Variants in BAIAP3 observed in about 807,000 individuals in gnomAD.
The protein encoded by BAIAP3 is BAI1 associated protein 3.
In BAIAP3, 180 loss-of-function variants were observed where a neutral mutation model predicts 149.7. The ratio of observed to expected loss-of-function variants is 1.20; its 90% CI spans 1.07 to 1.36. The LOEUF (loss-of-function observed/expected upper bound fraction) is 1.36. Ranked by LOEUF, BAIAP3 falls within the 40% of genes most tolerant of loss-of-function variation. The probability of loss-of-function intolerance (pLI) is 0.00; values close to 1 mark genes in which losing one functional copy is unlikely to be tolerated. For missense variants in BAIAP3, 1,767 were observed against 1,563.4 expected, an observed-to-expected ratio of 1.13 and a Z score of -2.20; for synonymous variants, 845 against 670.7, an observed-to-expected ratio of 1.26 and a Z score of -4.02.
rs369126457 is a variant in BAIAP3 at position 1,339,511 on chromosome 16, G to A, written c.316G>A (p.Glu106Lys). The A allele has an allele frequency of 3.7e-6, 6 of 1,610,182 alleles. No homozygotes were observed. The highest frequency in any genetic ancestry group is 5.1e-6 in the Non-Finnish European group (6 of 1,177,918). The change falls in exon 5 of 34, where the codon GAG (glutamate) becomes AAG (lysine). Residue 106 changes from glutamate (E) to lysine (K), a missense_variant. Glu to Lys is a moderately conservative substitution (Grantham distance 56). Coordinates refer to ENST00000426824, the MANE Select transcript of BAIAP3 (RefSeq NM_001199097.2). ...CCACCTGCAGGTGGAGATGCTCTAC[G>A]AGGAGGCCCTGTACACGGTGCTTTA... ...LAPEEVEMLY[E>K]EALYTVLYRA...
intron 8 of BAIAP3, 86 bp from the exon 9 acceptor site, chr16:1,341,736 G>C: frequency 1.4e-6 from 2 of 1,430,142 alleles, no homozygotes; most frequent in South Asian, 1.3e-5. Context: ...CTTGTGGCCT[G>C]GTCCCTGCTG....
At chr16:1,345,683 G>GCCTCCCCCA in intron 22 of BAIAP3, 64 bp from the exon 23 acceptor site, 1 of 106,798 alleles carries the variant, frequency 9.4e-6, no homozygotes, top group Admixed American at 2.0e-4. Context: ...CACAACCCCC[G>GCCTCCCCCA]CCTCCCCCAC....
At chr16:1,334,728 G>A in intron 1 of BAIAP3, 2 of 1,553,910 alleles carry the variant, frequency 1.3e-6, no homozygotes, top group Non-Finnish European at 8.7e-7. Context: ...CACCGCCATC[G>A]GCTTCGCAGG....
At chr16:1,341,548 G>T in intron 8 of BAIAP3, 59 bp downstream of exon 8, 1 of 1,553,318 alleles carries the variant, frequency 6.4e-7, no homozygotes, top group Non-Finnish European at 8.7e-7. Flanking sequence ...CCAGAGCTGG[G>T]CTGTGCCTGG....
rs528359449 is a variant in BAIAP3, at chr16:1,348,719, G to A, written c.*237G>A. Reference sequence around the variant, plus strand: ...TGGCCAACTTGGCAGGACTTGGCCAGCAGCTGCCCAGGACACAGTGCAGGC... The same window carrying A: ...TGGCCAACTTGGCAGGACTTGGCCAACAGCTGCCCAGGACACAGTGCAGGC... On this transcript the variant is annotated 3_prime_UTR_variant, in exon 34 of 34. Transcript: ENST00000426824. The A allele has an allele frequency of 1.3e-4, 76 of 587,996 alleles. No individual in the cohort carries two copies. The African/African-American group carries it at 1.3e-3, about 10-fold the overall frequency. The allele number at this position is 587,996 out of a possible 1,614,324, so 36.4% of individuals were successfully genotyped here. A position where few individuals can be genotyped will look rare whatever the true frequency, so the allele number is the denominator to read the frequency against.
Position 1,348,668 on chromosome 16 carries a change from C to A in BAIAP3, c.*186C>A. ...GTGTCTGTCTGGTGTGTGCTGTGAA[C>A]CCCTGCACCCAACCCCACATCTGGG... On this transcript the variant is annotated 3_prime_UTR_variant, in exon 34 of 34. Coordinates refer to ENST00000426824, the MANE Select transcript of BAIAP3 (RefSeq NM_001199097.2). The A allele has an allele frequency of 3.1e-6, 2 of 635,068 alleles. No individual in the cohort carries two copies. The highest frequency in any genetic ancestry group is 3.9e-5 in the South Asian group (2 of 51,572). 39.3% of individuals were successfully genotyped at this position (635,068 alleles called of 1,614,324 possible).
intron 5 of BAIAP3, among the ~76,000 whole-genome samples, chr16:1,339,834 G>T (rs571204746): frequency 3.4e-4 from 48 of 140,460 alleles, no homozygotes; most frequent in African/African-American, 1.3e-3. Context: ...GGCTGCAGGT[G>T]CACACAGACA....
chr16:1,341,088 A>G (rs2033892185), intron 6 of BAIAP3, 41 bp from the exon 7 acceptor site: 2 of 1,610,644 alleles, frequency 1.2e-6, no homozygotes, highest in Non-Finnish European at 1.7e-6. Context: ...TCTGGGGGGC[A>G]GCTCAGCCTC....
At chr16:1,340,498 C>T (rs1007299551) in intron 5 of BAIAP3, among the ~76,000 whole-genome samples, 3 of 147,000 alleles carry the variant, frequency 2.0e-5, no homozygotes, top group Non-Finnish European at 4.5e-5. Context: ...TGTACACAGA[C>T]ACACGCACAC....
chr16:1,346,594 C>G lies in BAIAP3; in HGVS notation c.2563-11C>G. ...GCGGGGTAAGCCTGGCCTGACCACCCCTGCCCGCAGGCCGTGGCCCCGCTC... is the reference window on the plus strand; with the variant it reads ...GCGGGGTAAGCCTGGCCTGACCACCGCTGCCCGCAGGCCGTGGCCCCGCTC... On this transcript the variant is annotated splice_polypyrimidine_tract_variant and intron_variant, in intron 26 of 33. Coordinates refer to ENST00000426824, the MANE Select transcript of BAIAP3 (RefSeq NM_001199097.2). 1 of 1,559,438 alleles carries G rather than the reference C, an allele frequency of 6.4e-7. No homozygotes were observed. Among genetic ancestry groups the G allele is most frequent in the Non-Finnish European group, 8.7e-7 (1 of 1,152,742 alleles).
chr16:1,342,585 C>T lies in BAIAP3; in HGVS notation c.1016C>T (p.Ser339Leu), dbSNP rs746749524. The part of the protein sequence containing the change: ...WFKLEPRSSA[S>L]RVQGHCHLVL... ...AAGCTGGAGCCACGCTCCAGTGCCT[C>T]GCGTGTGCAGGGACACTGCCACCTG... Residue 339 changes from serine to leucine, a missense_variant, in exon 12 of 34, where the codon TCG becomes TTG. By Grantham distance (145) the Ser-to-Leu change is moderately radical. Coordinates refer to ENST00000426824, the MANE Select transcript of BAIAP3 (RefSeq NM_001199097.2). 4 of 1,564,612 alleles carry T rather than the reference C, an allele frequency of 2.6e-6. No individual in the cohort carries two copies. The highest frequency in any genetic ancestry group is 1.9e-5 in the Admixed American group (1 of 52,388).
At chr16:1,343,925 G>A in intron 15 of BAIAP3, 97 bp from the exon 16 acceptor site, 1 of 1,554,738 alleles carries the variant, frequency 6.4e-7, no homozygotes, top group Admixed American at 1.7e-5. Context: ...GGCTGACCAT[G>A]CCCGGGGAAG....
In BAIAP3 at chr16:1,334,755, CG is replaced by C. The variant is rs1567154412; in HGVS notation, c.-11+1008del. 3 of 1,551,114 alleles carry C rather than the reference CG, an allele frequency of 1.9e-6. No homozygotes were observed. The East Asian group carries it at 7.3e-5, about 38-fold the overall frequency. On this transcript the variant is annotated intron_variant, in intron 1 of 33. Coordinates refer to ENST00000426824, the MANE Select transcript of BAIAP3 (RefSeq NM_001199097.2). ...CTTCGCAGGGGCCATCTGGAGGAGT[CG>C]GTGAGACCAGGGAGAGATTCCTGCG... is the stretch of plus-strand genomic sequence containing the variant.
rs775870507 is a variant in BAIAP3, at chr16:1,348,418, A to C, written c.3395A>C (p.Lys1132Thr). ...AGGAGGCTGGAAGGCCGCACCAGCAAGGAGGCGCAGGAGTTCGTGAAGAAA... is the reference window on the plus strand; with the variant it reads ...AGGAGGCTGGAAGGCCGCACCAGCACGGAGGCGCAGGAGTTCGTGAAGAAA... ...ALRRLEGRTS[K>T]EAQEFVKKLK... The change falls in exon 34 of 34, where the codon AAG becomes ACG. Residue 1132 changes from lysine (K) to threonine (T), a missense_variant. Transcript: ENST00000426824. 4 of 1,612,650 alleles carry C rather than the reference A, an allele frequency of 2.5e-6. No homozygotes were observed. The African/African-American group carries it at 5.3e-5, about 22-fold the overall frequency.
rs375258580 is a variant in BAIAP3, at chr16:1,347,318, C to T, written c.2772C>T (p.His924=). Reference sequence around the variant, plus strand: ...CCCAGGCCCTGGTCAGTTTTTTCCACGCAGAGGGTCAGGGTTTGCCCCTGG... The same window carrying T: ...CCCAGGCCCTGGTCAGTTTTTTCCATGCAGAGGGTCAGGGTTTGCCCCTGG... ...FTLEALVSFF[H]AEGQGLPLES... The change falls in exon 29 of 34, where the codon CAC becomes CAT. Residue 924 remains histidine (H), a synonymous_variant. Transcript: ENST00000426824. 1.6e-5 allele frequency: 26 copies of T among 1,613,402 alleles called. No individual in the cohort carries two copies. The highest frequency in any genetic ancestry group is 3.4e-4 in the Middle Eastern group (2 of 5,942).
chr16:1,348,581 C>A lies in BAIAP3; in HGVS notation c.*99C>A. 1 of 1,209,886 alleles carries A rather than the reference C, an allele frequency of 8.3e-7. No homozygotes were observed. The highest frequency in any genetic ancestry group is 2.0e-5 in the Admixed American group (1 of 49,152). 74.9% of individuals were successfully genotyped at this position (1,209,886 alleles called of 1,614,324 possible). A position where few individuals can be genotyped will look rare whatever the true frequency, so the allele number is the denominator to read the frequency against. On this transcript the variant is annotated 3_prime_UTR_variant, in exon 34 of 34. Coordinates refer to ENST00000426824, the MANE Select transcript of BAIAP3 (RefSeq NM_001199097.2). ...AGCTTTGTGCAACCAGGGCCCACGG[C>A]GCCCCTCCTGTGCTGTGACGTGTGT...
chr16:1,346,979 C>A (rs537511028), intron 28 of BAIAP3, 24 bp downstream of exon 28: 2 of 1,553,904 alleles, frequency 1.3e-6, no homozygotes, highest in Non-Finnish European at 8.7e-7. Flanking sequence ...AAGGAGTCCT[C>A]CCCGCCGGCC....
intron 5 of BAIAP3, among the ~76,000 whole-genome samples, chr16:1,339,925 GCACA>G (rs2033765841): frequency 7.0e-6 from 1 of 142,816 alleles, no homozygotes; most frequent in Non-Finnish European, 1.5e-5. Flanking sequence ...GGCTGCAGGT[GCACA>G]CAGACACGCA....
intron 14 of BAIAP3, 98 bp from the exon 15 acceptor site, chr16:1,343,295 T>C (rs2034060321): frequency 1.3e-6 from 2 of 1,486,596 alleles, no homozygotes; most frequent in South Asian, 2.6e-5. Context: ...GCAGTGCTGA[T>C]TGGGTGGGGC....
Sources: allele counts gnomAD v4.1 joint callset (sites outside exome capture counted in the v4.1 genomes callset), GRCh38; gene constraint gnomAD v4.1.1; transcripts MANE v1.5; gene names NCBI Gene and HGNC (gene_info 2026-07-23, HGNC 2026-07-21).